Variants in ATRNL1 observed in about 807,000 individuals in gnomAD.
ATRNL1 encodes the protein attractin like 1, also known as attractin-like protein 1.
In ATRNL1, 95 loss-of-function variants were observed where a neutral mutation model predicts 182.7. The ratio of observed to expected loss-of-function variants is 0.52; its 90% CI spans 0.44 to 0.62. The LOEUF is 0.62. ATRNL1 is among the 20% of genes least tolerant of loss of function. The pLI is 0.00. For synonymous variants in ATRNL1, 576 were observed against 568.3 expected, an observed-to-expected ratio of 1.01 and a Z score of -0.19; for missense variants, 1,471 against 1,679.5, an observed-to-expected ratio of 0.88 and a Z score of 2.17.
At chr10:115,734,083 T>A (rs1947878956) in intron 27 of ATRNL1, among the ~76,000 whole-genome samples, 1 of 152,144 alleles carries the variant, frequency 6.6e-6, no homozygotes, top group Non-Finnish European at 1.5e-5. Context: ...TTGTGGTATA[T>A]CATCATTTAT....
At chr10:115,275,388 T>C (rs1426850881) in intron 13 of ATRNL1, among the ~76,000 whole-genome samples, 2 of 152,192 alleles carry the variant, frequency 1.3e-5, no homozygotes, top group African/African-American at 2.4e-5. Flanking sequence ...CTGATACTGA[T>C]TATTTCCCTT....
intron 21 of ATRNL1, among the ~76,000 whole-genome samples, chr10:115,434,746 A>G (rs1846322628): frequency 6.6e-6 from 1 of 152,150 alleles, no homozygotes; most frequent in Admixed American, 6.5e-5. Flanking sequence ...CTTAAGGTTC[A>G]AGTTAAATAA....
At chr10:115,113,289 T>C (rs1844336612) in intron 1 of ATRNL1, among the ~76,000 whole-genome samples, 1 of 152,214 alleles carries the variant, frequency 6.6e-6, no homozygotes, top group Non-Finnish European at 1.5e-5. Flanking sequence ...AGAGTCCTTC[T>C]TCACCATGAC....
At chr10:115,750,950 A>ACATACTTGTGG (rs1177622196) in intron 27 of ATRNL1, among the ~76,000 whole-genome samples, 3 of 152,054 alleles carry the variant, frequency 2.0e-5, no homozygotes, top group Non-Finnish European at 4.4e-5. Context: ...AAGGTTGAAA[A>ACATACTTGTGG]CATACTTGTG....
intron 26 of ATRNL1, among the ~76,000 whole-genome samples, chr10:115,553,820 G>A (rs936518365): frequency 3.4e-4 from 52 of 151,518 alleles, no homozygotes; most frequent in African/African-American, 1.2e-3. Context: ...ATTTTATGGT[G>A]TATAAACCAA....
intron 1 of ATRNL1, 50 bp from the exon 2 acceptor site, chr10:115,120,135 T>G (rs1844663101): frequency 8.7e-7 from 1 of 1,155,134 alleles, no homozygotes; most frequent in East Asian, 2.4e-5. Context: ...GCTATATGTC[T>G]TAAAGTTATT....
chr10:115,116,653 A>G (rs1844499104), intron 1 of ATRNL1, among the ~76,000 whole-genome samples: 3 of 152,098 alleles, frequency 2.0e-5, no homozygotes, highest in Admixed American at 6.6e-5. Flanking sequence ...TTTCTTTATT[A>G]TAGAAGTAGC....
intron 9 of ATRNL1, among the ~76,000 whole-genome samples, chr10:115,216,429 G>C (rs1259634236): frequency 1.3e-5 from 2 of 152,100 alleles, no homozygotes; most frequent in South Asian, 4.1e-4. Flanking sequence ...AAAATTGTGA[G>C]AATTTTTACT....
chr10:115,379,716 GC>G (rs1264260875), intron 19 of ATRNL1, among the ~76,000 whole-genome samples: 1 of 152,088 alleles, frequency 6.6e-6, no homozygotes, highest in Non-Finnish European at 1.5e-5. Flanking sequence ...GCAGCTCTCT[GC>G]CTTGTGTTTC....
intron 22 of ATRNL1, 62 bp downstream of exon 22, chr10:115,462,097 C>A: frequency 1.6e-6 from 2 of 1,229,512 alleles, no homozygotes; most frequent in South Asian, 1.4e-5. Context: ...TTTCATATTT[C>A]ATTTGATTTT....
Position 115,127,728 on chromosome 10 carries a change from A to G in ATRNL1, c.620+7A>G, listed in dbSNP as rs1314663425. 10 of 1,399,086 alleles carry G rather than the reference A, an allele frequency of 7.1e-6. No individual in the cohort carries two copies. The Admixed American group carries it at 2.9e-4, about 40-fold the overall frequency. The allele number at this position is 1,399,086 out of a possible 1,614,324, so 86.7% of individuals were successfully genotyped here. On this transcript the variant is annotated splice_region_variant and intron_variant, in intron 4 of 28. Coordinates refer to ENST00000355044, the MANE Select transcript of ATRNL1 (RefSeq NM_207303.4). ...GTTTCAACATTTTCTATTCGTAAGTATTTTTTAAAAATTCCTTCTTTTAAT... is the reference window on the plus strand; with the variant it reads ...GTTTCAACATTTTCTATTCGTAAGTGTTTTTTAAAAATTCCTTCTTTTAAT...
chr10:115,639,579 T>G (rs1555029479), intron 26 of ATRNL1, among the ~76,000 whole-genome samples: 1 of 152,186 alleles, frequency 6.6e-6, no homozygotes, highest in Non-Finnish European at 1.5e-5. Flanking sequence ...AAATTGGACA[T>G]GTGGTTTCAC....
chr10:115,693,074 A>G (rs554961551), intron 26 of ATRNL1, among the ~76,000 whole-genome samples: 1 of 152,216 alleles, frequency 6.6e-6, no homozygotes, highest in African/African-American at 2.4e-5. Flanking sequence ...TCTTCCCTCA[A>G]TTAATTAGAT....
intron 27 of ATRNL1, among the ~76,000 whole-genome samples, chr10:115,813,491 G>T (rs1334581611): frequency 6.6e-6 from 1 of 152,154 alleles, no homozygotes; most frequent in Non-Finnish European, 1.5e-5. Flanking sequence ...ACTAATAGTT[G>T]CCTGATTATA....
chr10:115,336,193 A>C (rs1282627147), intron 19 of ATRNL1, among the ~76,000 whole-genome samples: 3 of 152,210 alleles, frequency 2.0e-5, no homozygotes, highest in Non-Finnish European at 4.4e-5. Context: ...GAGTAAGAAA[A>C]TGTCTCATTC....
intron 8 of ATRNL1, among the ~76,000 whole-genome samples, chr10:115,201,729 C>T (rs1848587816): frequency 6.6e-6 from 1 of 151,966 alleles, no homozygotes; most frequent in African/African-American, 2.4e-5. Context: ...TTTTTGGTTC[C>T]ATATGAACTT....
At chr10:115,514,727 G>C (rs969562169) in intron 24 of ATRNL1, among the ~76,000 whole-genome samples, 1 of 151,834 alleles carries the variant, frequency 6.6e-6, no homozygotes, top group East Asian at 1.9e-4. Flanking sequence ...GTTAAAGAAT[G>C]GCAGATATTT....
intron 9 of ATRNL1, among the ~76,000 whole-genome samples, chr10:115,218,571 G>T (rs1412240316): frequency 2.0e-5 from 3 of 152,164 alleles, no homozygotes; most frequent in Non-Finnish European, 2.9e-5. Context: ...TTTGTAAGCT[G>T]TAATAGTTGT....
At chr10:115,137,236 A>G (rs1225112006) in intron 5 of ATRNL1, among the ~76,000 whole-genome samples, 1 of 152,200 alleles carries the variant, frequency 6.6e-6, no homozygotes, top group East Asian at 1.9e-4. Flanking sequence ...TGAAAGCAAC[A>G]GAAACAATCT....
Sources: allele counts gnomAD v4.1 joint callset (sites outside exome capture counted in the v4.1 genomes callset), GRCh38; gene constraint gnomAD v4.1.1; transcripts MANE v1.5; gene names NCBI Gene and HGNC (gene_info 2026-07-23, HGNC 2026-07-21).